Variants in RAB19 observed in about 807,000 individuals in gnomAD.
RAB19 encodes ras-related protein Rab-19.
RAB19 carries 21 observed loss-of-function variants against 17.3 expected under a neutral mutation model. The ratio of observed to expected loss-of-function variants is 1.21; its 90% CI spans 0.86 to 1.74. The LOEUF is 1.74. Ranked by LOEUF, RAB19 falls within the 40% of genes most tolerant of loss-of-function variation. RAB19 has a pLI of 0.00. For missense variants in RAB19, 277 were observed against 286.8 expected, an observed-to-expected ratio of 0.97 and a Z score of 0.25; for synonymous variants, 126 against 110.4, an observed-to-expected ratio of 1.14 and a Z score of -0.88.
chr7:140,415,826 A>T (rs1799446844), intron 3 of RAB19, among the ~76,000 whole-genome samples: 1 of 151,032 alleles, frequency 6.6e-6, no homozygotes, highest in Admixed American at 6.6e-5. Context: ...ACTTGCTTGA[A>T]CCCGGGAGGC....
intron 1 of RAB19, 74 bp downstream of exon 1, chr7:140,404,291 C>G (rs1799195892): frequency 6.6e-6 from 1 of 152,194 alleles, no homozygotes; most frequent in Non-Finnish European, 1.5e-5. Flanking sequence ...GTGGACGCTG[C>G]CTGTGCCTCC....
At chr7:140,405,980 T>G (rs907126989) in intron 1 of RAB19, among the ~76,000 whole-genome samples, 5 of 152,128 alleles carry the variant, frequency 3.3e-5, no homozygotes, top group African/African-American at 1.2e-4. Context: ...TGGTGGCTCA[T>G]GCCTGTAATC....
Position 140,426,246 on chromosome 7 carries a change from C to A in RAB19, c.*96C>A. ...GTGTTGCCCCAGTGGCGCTTTAGACCCCAGCGTGGACTTGCCGCTCACCCC... is the reference window on the plus strand; with the variant it reads ...GTGTTGCCCCAGTGGCGCTTTAGACACCAGCGTGGACTTGCCGCTCACCCC... On this transcript the variant is annotated 3_prime_UTR_variant, in exon 4 of 4. Transcript: ENST00000537763. 1.4e-6 allele frequency: 2 copies of A among 1,435,914 alleles called. No homozygotes were observed. Among genetic ancestry groups the A allele is most frequent in the Non-Finnish European group, 1.9e-6 (2 of 1,069,994 alleles). 88.9% of individuals were successfully genotyped at this position (1,435,914 alleles called of 1,614,324 possible).
chr7:140,425,375 T>C (rs892038250), intron 3 of RAB19, among the ~76,000 whole-genome samples: 4 of 151,930 alleles, frequency 2.6e-5, no homozygotes, highest in African/African-American at 7.3e-5. Flanking sequence ...CTAAATGAGC[T>C]CCATCTCACA....
intron 1 of RAB19, 96 bp from the exon 2 acceptor site, chr7:140,407,528 A>G: frequency 1.2e-6 from 1 of 827,844 alleles, no homozygotes; most frequent in South Asian, 1.6e-5. Context: ...TCGTCCTCTC[A>G]CAAGGATGTA....
intron 2 of RAB19, among the ~76,000 whole-genome samples, 198 bp downstream of exon 2, chr7:140,408,045 T>A (rs1296901492): frequency 5.5e-5 from 1 of 18,308 alleles, no homozygotes; most frequent in Non-Finnish European, 1.0e-4. Context: ...GCCCGGCAAA[T>A]TTTTTTTTTT....
chr7:140,405,556 G>GT (rs56768677), intron 1 of RAB19, among the ~76,000 whole-genome samples: 9 of 150,918 alleles, frequency 6.0e-5, no homozygotes, highest in African/African-American at 1.7e-4. Flanking sequence ...TGGGCGGGGA[G>GT]GGGGGGCGCA....
rs956965759 is a variant in RAB19 at position 140,427,307 on chromosome 7, C to T, written c.*1157C>T. Among the ~76,000 whole-genome samples, 29 of 151,824 alleles carry T rather than the reference C, an allele frequency of 1.9e-4. No homozygotes were observed. The highest frequency in any genetic ancestry group is 7.2e-4 in the Admixed American group (11 of 15,194). ...CTGGGACTACTGGCACTCACTACCACGCCCAGCTCATTTTTTTTGTATATT... is the reference window on the plus strand; with the variant it reads ...CTGGGACTACTGGCACTCACTACCATGCCCAGCTCATTTTTTTTGTATATT... On this transcript the variant is annotated 3_prime_UTR_variant, in exon 4 of 4. Transcript: ENST00000537763.
chr7:140,427,356 G>T lies in RAB19; in HGVS notation c.*1206G>T, dbSNP rs570062702. Among the ~76,000 whole-genome samples the T allele has an allele frequency of 1.3e-5, 2 of 149,854 alleles. No homozygotes were observed. Among genetic ancestry groups the T allele is most frequent in the African/African-American group, 4.9e-5 (2 of 40,556 alleles). On this transcript the variant is annotated 3_prime_UTR_variant, in exon 4 of 4. Transcript: ENST00000537763. The stretch of plus-strand genomic sequence containing the variant: ...TTTAGTAGAGACTGGGTTTCACTAC[G>T]TTGGTCAGGCTGGTCTTGAACTCCT...
At position 140,426,039 on chromosome 7, in the gene RAB19, G is replaced by A. The variant is rs4726807; in HGVS notation, c.543G>A (p.Ala181=). The change falls in exon 4 of 4, where the codon GCG becomes GCA. Residue 181 remains alanine, a synonymous_variant. Transcript: ENST00000537763. ...TGCTCATGGCCAAGGAGCTGATCGC[G>A]CGCAACAGCCTGCACCTATATGGGG... ...VFVLMAKELI[A]RNSLHLYGES... is the part of the protein sequence containing the mutation. 78,278 of 1,614,070 alleles carry A rather than the reference G, an allele frequency of 0.048. 2,750 individuals carry two copies. Among genetic ancestry groups the A allele is most frequent in the Admixed American group, 0.14 (8,289 of 59,998 alleles).
intron 3 of RAB19, among the ~76,000 whole-genome samples, chr7:140,419,013 A>G (rs1799512302): frequency 6.6e-6 from 1 of 150,416 alleles, no homozygotes; most frequent in Non-Finnish European, 1.5e-5. Flanking sequence ...CTAAGCCCAC[A>G]TCCCTAAATA....
intron 3 of RAB19, among the ~76,000 whole-genome samples, chr7:140,424,792 A>T (rs919571272): frequency 2.6e-5 from 4 of 151,600 alleles, no homozygotes; most frequent in Admixed American, 1.3e-4. Flanking sequence ...GGAAAAAAAT[A>T]TCTACAGAGG....
Position 140,415,596 on chromosome 7 carries a change from A to T in RAB19, c.385+3539A>T, listed in dbSNP as rs538686621. ...TCAGCAGGGTCTGGGCCAATGCCGCATGGCCAAATACATTACTATTTATGC... is the reference window on the plus strand; with the variant it reads ...TCAGCAGGGTCTGGGCCAATGCCGCTTGGCCAAATACATTACTATTTATGC... On this transcript the variant is annotated intron_variant, in intron 3 of 3. Transcript: ENST00000537763. Among the ~76,000 whole-genome samples, 6 of 152,316 alleles carry T rather than the reference A, an allele frequency of 3.9e-5. No individual in the cohort carries two copies. The East Asian group carries it at 1.2e-3, about 29-fold the overall frequency.
chr7:140,413,609 G>A (rs1799404821), intron 3 of RAB19, among the ~76,000 whole-genome samples: 1 of 152,060 alleles, frequency 6.6e-6, no homozygotes, highest in Non-Finnish European at 1.5e-5. Flanking sequence ...GTTGGGGTGG[G>A]GGGAATCACT....
At chr7:140,417,083 A>T (rs2130134300) in intron 3 of RAB19, among the ~76,000 whole-genome samples, 1 of 151,104 alleles carries the variant, frequency 6.6e-6, no homozygotes, top group East Asian at 1.9e-4. Context: ...AAAAAAAAAA[A>T]AAATCAGCCA....
At chr7:140,412,141 A>G (rs1799377762) in intron 3 of RAB19, 84 bp downstream of exon 3, 1 of 1,368,372 alleles carries the variant, frequency 7.3e-7, no homozygotes, top group Admixed American at 1.7e-5. Context: ...TGACAGTGGA[A>G]AATGAAATCT....
At chr7:140,418,411 A>G (rs1363459897) in intron 3 of RAB19, among the ~76,000 whole-genome samples, 1 of 150,366 alleles carries the variant, frequency 6.7e-6, no homozygotes, top group Non-Finnish European at 1.5e-5. Context: ...AAAAAAAAAA[A>G]AAAAAAAAAA....
At chr7:140,417,449 G>T (rs929604941) in intron 3 of RAB19, among the ~76,000 whole-genome samples, 3 of 151,888 alleles carry the variant, frequency 2.0e-5, no homozygotes, top group African/African-American at 7.3e-5. Context: ...GGGATGCAGG[G>T]AGTAGATCAG....
rs56928355 is a variant in RAB19 at position 140,406,248 on chromosome 7, CAA to C, written c.-23-1356_-23-1355del. On this transcript the variant is annotated intron_variant, in intron 1 of 3. Coordinates refer to ENST00000537763, the MANE Select transcript of RAB19 (RefSeq NM_001008749.3). ...GGGCAAGAAGAGTGAAACTCTGTCTCAAAAAAAAAAAAAAAAAAAAAGGAAAT... is the reference window on the plus strand; with the variant it reads ...GGGCAAGAAGAGTGAAACTCTGTCTCAAAAAAAAAAAAAAAAAAAGGAAAT... Among the ~76,000 whole-genome samples the C allele has an allele frequency of 4.8e-3, 386 of 80,894 alleles. 1 individual carries two copies. The highest frequency in any genetic ancestry group is 0.017 in the African/African-American group (333 of 19,640). 53.1% of individuals were successfully genotyped at this position (80,894 alleles called of 152,430 possible).
Sources: gnomAD v4.1 joint callset for allele counts (sites outside exome capture counted in the v4.1 genomes callset) on GRCh38, gnomAD v4.1.1 for gene constraint, MANE v1.5 for transcripts, NCBI Gene and HGNC (gene_info 2026-07-23, HGNC 2026-07-21) for gene names.